SNTG1: variants seen among roughly 807,000 people sequenced by gnomAD.
The protein encoded by SNTG1 is gamma-1-syntrophin.
SNTG1 carries 39 observed loss-of-function variants against 74.7 expected under a neutral mutation model. The observed-to-expected ratio is 0.52, with a 90% CI of 0.40 to 0.68. The LOEUF (loss-of-function observed/expected upper bound fraction) is 0.68, where lower values mean the gene tolerates loss of function less well. SNTG1 is among the 30% of genes least tolerant of loss of function. The pLI, the probability that SNTG1 is intolerant of heterozygous loss-of-function variation, is 0.00. For missense variants in SNTG1, 685 were observed against 609.5 expected (o/e 1.12, Z -1.30); for synonymous variants, 254 against 217.1 (o/e 1.17, Z -1.49).
At chr8:49,950,089 C>T (rs1476699708) in intron 1 of SNTG1, among the ~76,000 whole-genome samples, 2 of 152,072 alleles carry the variant, frequency 1.3e-5, no homozygotes, top group Non-Finnish European at 2.9e-5. Flanking sequence ...ATCATGCCAC[C>T]ACACTCCAGT....
At chr8:50,572,105 T>G (rs2094552057) in intron 12 of SNTG1, among the ~76,000 whole-genome samples, 1 of 152,134 alleles carries the variant, frequency 6.6e-6, no homozygotes, top group Non-Finnish European at 1.5e-5. Context: ...ACAATTTTTA[T>G]TATTTCCTGA....
chr8:50,111,487 G>T (rs1481525092), intron 1 of SNTG1, among the ~76,000 whole-genome samples: 1 of 152,144 alleles, frequency 6.6e-6, no homozygotes, highest in Non-Finnish European at 1.5e-5. Context: ...AGGTCACAGT[G>T]AGAAGGGAGG....
At position 50,224,995 on chromosome 8, in the gene SNTG1, G is replaced by A. The variant is rs1047855359; in HGVS notation, c.-28+52360G>A. ...TTTATTTTTATTTTTTTTTGAGATGGAGTCTCACTCTGTTGCCCAGGCTGG... is the reference window on the plus strand; with the variant it reads ...TTTATTTTTATTTTTTTTTGAGATGAAGTCTCACTCTGTTGCCCAGGCTGG... On this transcript the variant is annotated intron_variant, in intron 2 of 18. Transcript: ENST00000642720. Among the ~76,000 whole-genome samples the A allele has an allele frequency of 1.6e-4, 25 of 151,734 alleles. No individual in the cohort carries two copies. In the East Asian group the frequency reaches 4.7e-3, roughly 28 times the overall value.
chr8:50,321,397 C>T (rs1302280677), intron 2 of SNTG1, among the ~76,000 whole-genome samples: 1 of 152,034 alleles, frequency 6.6e-6, no homozygotes, highest in African/African-American at 2.4e-5. Context: ...ATTTTTCCAT[C>T]CCTTTATTAT....
intron 2 of SNTG1, among the ~76,000 whole-genome samples, chr8:50,183,892 T>C (rs1256530247): frequency 6.6e-6 from 1 of 152,152 alleles, no homozygotes; most frequent in Admixed American, 6.6e-5. Flanking sequence ...TTTACTACTA[T>C]AGCAGCATTA....
At chr8:50,436,751 T>C (rs1197232674) in intron 4 of SNTG1, among the ~76,000 whole-genome samples, 1 of 152,148 alleles carries the variant, frequency 6.6e-6, no homozygotes, top group Non-Finnish European at 1.5e-5. Context: ...ATTCGACAGA[T>C]TGCATTTCTC....
intron 1 of SNTG1, among the ~76,000 whole-genome samples, chr8:49,938,602 C>CTTTTCTTTTCTTTT (rs1808346560): frequency 8.6e-4 from 7 of 8,110 alleles, no homozygotes; most frequent in Non-Finnish European, 3.4e-4. Context: ...CTTTTCTTTT[C>CTTTTCTTTTCTTTT]TTTTCTTTCT....
At chr8:50,190,457 T>C (rs928870432) in intron 2 of SNTG1, among the ~76,000 whole-genome samples, 2 of 152,246 alleles carry the variant, frequency 1.3e-5, no homozygotes, top group East Asian at 3.9e-4. Context: ...ATCAGTAAGG[T>C]TATGACTTTG....
At chr8:50,172,704 C>A (rs2082850893) in intron 2 of SNTG1, 69 bp downstream of exon 2, 2 of 151,004 alleles carry the variant, frequency 1.3e-5, no homozygotes, top group Non-Finnish European at 2.9e-5. Context: ...TATTAGTCTA[C>A]ACTTCTAAGA....
chr8:50,186,620 A>T lies in SNTG1; in HGVS notation c.-28+13985A>T, dbSNP rs1044273828. On this transcript the variant is annotated intron_variant, in intron 2 of 18. Transcript: ENST00000642720. The stretch of plus-strand genomic sequence containing the variant: ...GGTTTTGATTTACATGTCTCTAATG[A>T]TCAGTGATAATGAGCTTTTTTTCAT... 3.3e-5 allele frequency among the ~76,000 whole-genome samples: 5 copies of T among 152,206 alleles called. No homozygotes were observed. The East Asian group carries it at 9.7e-4, about 29-fold the overall frequency.
intron 1 of SNTG1, among the ~76,000 whole-genome samples, chr8:49,974,727 A>T (rs1812031959): frequency 6.6e-6 from 1 of 152,162 alleles, no homozygotes; most frequent in African/African-American, 2.4e-5. Flanking sequence ...GACTCTATTT[A>T]AAATAATGTA....
intron 1 of SNTG1, among the ~76,000 whole-genome samples, chr8:50,104,260 A>G (rs1285236526): frequency 6.6e-6 from 1 of 152,018 alleles, no homozygotes; most frequent in Non-Finnish European, 1.5e-5. Flanking sequence ...GTCTATTCAG[A>G]GATTCAACTT....
At chr8:50,491,358 T>C (rs1037234738) in intron 8 of SNTG1, 3 of 152,344 alleles carry the variant, frequency 2.0e-5, no homozygotes, top group African/African-American at 7.2e-5. Flanking sequence ...GAAAGCTTCA[T>C]GTACGGGAAA....
At chr8:50,005,928 C>T (rs1815178610) in intron 1 of SNTG1, among the ~76,000 whole-genome samples, 1 of 121,654 alleles carries the variant, frequency 8.2e-6, no homozygotes, top group Non-Finnish European at 1.8e-5. Context: ...ATTTCTGTTA[C>T]TTTACTTTTC....
chr8:50,143,098 T>A (rs888296859), intron 1 of SNTG1, among the ~76,000 whole-genome samples: 1 of 151,506 alleles, frequency 6.6e-6, no homozygotes, highest in African/African-American at 2.4e-5. Flanking sequence ...AATAAATAAA[T>A]AAAAATAAAA....
At chr8:50,360,749 G>T (rs979448767) in intron 2 of SNTG1, among the ~76,000 whole-genome samples, 2 of 152,086 alleles carry the variant, frequency 1.3e-5, no homozygotes, top group Admixed American at 1.3e-4. Flanking sequence ...TACAGTAAAA[G>T]TATGGCATAA....
At chr8:50,214,849 C>G (rs565305881) in intron 2 of SNTG1, among the ~76,000 whole-genome samples, 1 of 152,254 alleles carries the variant, frequency 6.6e-6, no homozygotes, top group East Asian at 1.9e-4. Flanking sequence ...AACTCCAGTA[C>G]CCTGACAAAG....
At chr8:50,150,337 AAACAGGGAC>A (rs1308144966) in intron 1 of SNTG1, among the ~76,000 whole-genome samples, 3 of 152,208 alleles carry the variant, frequency 2.0e-5, no homozygotes, top group Non-Finnish European at 4.4e-5. Flanking sequence ...TGTCATCTGC[AAACAGGGAC>A]AATTTGACTA....
intron 8 of SNTG1, among the ~76,000 whole-genome samples, chr8:50,488,860 G>C (rs1247755970): frequency 1.3e-5 from 2 of 152,112 alleles, no homozygotes; most frequent in Non-Finnish European, 2.9e-5. Flanking sequence ...AACGTGCCAT[G>C]GTGGTTTGCT....
Sources: allele counts gnomAD v4.1 joint callset (sites outside exome capture counted in the v4.1 genomes callset), GRCh38; gene constraint gnomAD v4.1.1; transcripts MANE v1.5; gene names NCBI Gene and HGNC (gene_info 2026-07-23, HGNC 2026-07-21).